The following TIAM1 variants were observed in gnomAD, a reference collection of about 807,000 sequenced individuals.
The protein encoded by TIAM1 is rho guanine nucleotide exchange factor TIAM1.
In TIAM1, 65 loss-of-function variants were observed where a neutral mutation model predicts 163.5. The observed-to-expected ratio is 0.40, with a 90% CI of 0.33 to 0.49. The LOEUF is 0.49. TIAM1 is among the 20% of genes least tolerant of loss of function. TIAM1 has a pLI of 0.77. For missense variants in TIAM1, 1,789 were observed against 2,044.7 expected (o/e 0.87, Z 2.41); for synonymous variants, 833 against 810.1 (o/e 1.03, Z -0.48).
chr21:31,141,528 A>C lies in TIAM1; in HGVS notation c.3476-24T>G. The C allele has an allele frequency of 6.2e-7, 1 of 1,609,660 alleles. No homozygotes were observed. The highest frequency in any genetic ancestry group is 8.5e-7 in the Non-Finnish European group (1 of 1,177,998). ...GGCTGGCAGGGTTTAAACACAGGTC[A>C]TGGGGGTGGAACGCCCACGTGACTC... On this transcript the variant is annotated intron_variant, in intron 20 of 27. Coordinates refer to ENST00000541036, the MANE Select transcript of TIAM1 (RefSeq NM_001353694.2). This position sits in a 1 kb window ranked among gnomAD's most constrained non-coding sequence, Gnocchi z 4.7.
chr21:31,541,538 C>G (rs1473263049), intron 1 of TIAM1, among the ~76,000 whole-genome samples: 1 of 151,990 alleles, frequency 6.6e-6, no homozygotes, highest in Non-Finnish European at 1.5e-5. Context: ...CATAAATGTT[C>G]AATTACAGGA....
chr21:31,309,015 T>C (rs1286036149), intron 2 of TIAM1, among the ~76,000 whole-genome samples: 2 of 142,764 alleles, frequency 1.4e-5, no homozygotes, highest in Non-Finnish European at 3.0e-5. Context: ...TTCTGGGCCT[T>C]ACAAGCTCAA....
chr21:31,542,430 A>AT, intron 1 of TIAM1, among the ~76,000 whole-genome samples: 1 of 151,866 alleles, frequency 6.6e-6, no homozygotes, highest in East Asian at 2.0e-4. Context: ...CCGTCTCAAA[A>AT]AAAAAGAAAA....
intron 6 of TIAM1, among the ~76,000 whole-genome samples, chr21:31,242,494 A>G (rs759631683): frequency 3.3e-5 from 5 of 152,166 alleles, no homozygotes; most frequent in Admixed American, 2.0e-4. Flanking sequence ...TACTGACCCT[A>G]CAGCTCAGTG....
intron 2 of TIAM1, among the ~76,000 whole-genome samples, chr21:31,369,608 A>T (rs1478832404): frequency 3.3e-5 from 5 of 152,250 alleles, no homozygotes; most frequent in Non-Finnish European, 7.3e-5. Context: ...GAAATGATGG[A>T]TATGGTAATT....
At chr21:31,193,751 A>C (rs2085684754) in intron 13 of TIAM1, among the ~76,000 whole-genome samples, 1 of 152,220 alleles carries the variant, frequency 6.6e-6, no homozygotes, top group African/African-American at 2.4e-5. Context: ...ATCAAGCTGC[A>C]CACACAGACA....
At chr21:31,133,408 T>C (rs981846724) in intron 23 of TIAM1, among the ~76,000 whole-genome samples, 1 of 152,106 alleles carries the variant, frequency 6.6e-6, no homozygotes, top group Non-Finnish European at 1.5e-5. Flanking sequence ...GAAGCTGGAG[T>C]ATGCAGTCTC....
At chr21:31,148,535 T>A (rs1357415385) in intron 19 of TIAM1, among the ~76,000 whole-genome samples, 1 of 152,168 alleles carries the variant, frequency 6.6e-6, no homozygotes. Flanking sequence ...AATGAACTAA[T>A]ACAGAGTCAT....
chr21:31,331,477 G>T (rs1406768030), intron 2 of TIAM1, among the ~76,000 whole-genome samples: 1 of 152,182 alleles, frequency 6.6e-6, no homozygotes, highest in Non-Finnish European at 1.5e-5. Context: ...TATTCCAAAA[G>T]AAACTACTTC....
chr21:31,412,071 G>T (rs1018333045), intron 2 of TIAM1, among the ~76,000 whole-genome samples: 1 of 152,148 alleles, frequency 6.6e-6, no homozygotes, highest in African/African-American at 2.4e-5. Flanking sequence ...AAGGAAATGT[G>T]ATATATATAC....
chr21:31,272,760 T>C (rs1487159952), intron 3 of TIAM1, among the ~76,000 whole-genome samples: 1 of 152,198 alleles, frequency 6.6e-6, no homozygotes, highest in Non-Finnish European at 1.5e-5. Context: ...CCTTTTATTT[T>C]TAGCTGAAAA....
chr21:31,281,097 A>AAC (rs1220408372), intron 2 of TIAM1, among the ~76,000 whole-genome samples: 2 of 151,172 alleles, frequency 1.3e-5, no homozygotes, highest in African/African-American at 4.9e-5. Flanking sequence ...AAAAAAAAAA[A>AAC]AAAAAAAAAA....
chr21:31,274,229 A>C (rs1238855186), intron 3 of TIAM1, among the ~76,000 whole-genome samples: 2 of 152,144 alleles, frequency 1.3e-5, no homozygotes, highest in Admixed American at 1.3e-4. Context: ...AAAAAAGTAC[A>C]TGAGTAAACA....
At chr21:31,370,253 C>T (rs184916998) in intron 2 of TIAM1, among the ~76,000 whole-genome samples, 298 of 152,304 alleles carry the variant, frequency 2.0e-3, no homozygotes, top group African/African-American at 6.8e-3. Flanking sequence ...AAAAGATGAG[C>T]TGTTAAAAAA....
chr21:31,402,521 C>T (rs1011535042), intron 2 of TIAM1, among the ~76,000 whole-genome samples: 16 of 152,256 alleles, frequency 1.1e-4, no homozygotes, highest in Admixed American at 2.6e-4. Context: ...TGGCCGTCCA[C>T]GACATTTCCC....
intron 2 of TIAM1, among the ~76,000 whole-genome samples, chr21:31,279,579 C>T (rs2073453822): frequency 6.6e-6 from 1 of 152,150 alleles, no homozygotes; most frequent in South Asian, 2.1e-4. Flanking sequence ...TTACTTTCAG[C>T]GTGACTTGGG....
intron 2 of TIAM1, among the ~76,000 whole-genome samples, chr21:31,430,247 T>TATATATATAC (rs1491352162): frequency 8.5e-4 from 91 of 106,902 alleles, no homozygotes; most frequent in African/African-American, 3.1e-3. Flanking sequence ...TATATATATA[T>TATATATATAC]ACACACACAC....
At chr21:31,301,288 A>G (rs1033142245) in intron 2 of TIAM1, among the ~76,000 whole-genome samples, 12 of 152,212 alleles carry the variant, frequency 7.9e-5, no homozygotes, top group Admixed American at 2.0e-4. Context: ...AACTAGATTA[A>G]TACAGTGGAA....
At chr21:31,324,784 T>A (rs2075430657) in intron 2 of TIAM1, among the ~76,000 whole-genome samples, 1 of 152,220 alleles carries the variant, frequency 6.6e-6, no homozygotes, top group Non-Finnish European at 1.5e-5. Flanking sequence ...AGATTTTGGC[T>A]TGATTTGGTT....
Sources: allele counts gnomAD v4.1 joint callset (sites outside exome capture counted in the v4.1 genomes callset), GRCh38; gene constraint gnomAD v4.1.1; non-coding constraint Gnocchi (gnomAD v3.1); transcripts MANE v1.5; gene names NCBI Gene and HGNC (gene_info 2026-07-23, HGNC 2026-07-21).